Variants in INTS10 observed in about 807,000 individuals in gnomAD.
INTS10 encodes the protein integrator complex subunit 10, also known as chromosome 8 open reading frame 35.
INTS10 carries 44 observed loss-of-function variants against 94.4 expected under a neutral mutation model. That is an observed-to-expected ratio of 0.47 (90% CI 0.37 to 0.60). The LOEUF (loss-of-function observed/expected upper bound fraction) is 0.60. INTS10 is among the 20% of genes least tolerant of loss of function. The pLI is 0.00. For missense variants in INTS10, 797 were observed against 868.7 expected, an observed-to-expected ratio of 0.92 and a Z score of 1.04; for synonymous variants, 341 against 320.7, an observed-to-expected ratio of 1.06 and a Z score of -0.68.
Position 19,817,665 on chromosome 8 carries a change from A to T in INTS10, c.128A>T (p.Gln43Leu), listed in dbSNP as rs1250889734. 1 of 1,605,588 alleles carries T rather than the reference A, an allele frequency of 6.2e-7. No individual in the cohort carries two copies. The highest frequency in any genetic ancestry group is 1.3e-5 in the African/African-American group (1 of 74,724). The change falls in exon 1 of 17, where the codon CAG becomes CTG. Residue 43 changes from glutamine (Q) to leucine (L), a missense_variant and splice_region_variant. By Grantham distance (113) the Gln-to-Leu change is moderately radical (BLOSUM62 -2). Coordinates refer to ENST00000397977, the MANE Select transcript of INTS10 (RefSeq NM_018142.4). Reference sequence around the variant, plus strand: ...CTCTACCCGGCAGACTTTAACATCCAGGTGAGGTCCCGGCTGTGCATGCGG... The same window carrying T: ...CTCTACCCGGCAGACTTTAACATCCTGGTGAGGTCCCGGCTGTGCATGCGG... The part of the protein sequence containing the change: ...RSLYPADFNI[Q>L]YEMYTIERNA...
intron 16 of INTS10, among the ~76,000 whole-genome samples, chr8:19,847,266 C>T (rs1363364366): frequency 6.6e-6 from 1 of 152,096 alleles, no homozygotes; most frequent in Non-Finnish European, 1.5e-5. Flanking sequence ...TACACGAGAC[C>T]TTTCTGCATT....
In INTS10 at chr8:19,832,052, G is replaced by T; in HGVS notation, c.1319G>T (p.Trp440Leu). The T allele has an allele frequency of 6.2e-7, 1 of 1,606,112 alleles. No individual in the cohort carries two copies. Among genetic ancestry groups the T allele is most frequent in the Non-Finnish European group, 8.5e-7 (1 of 1,172,674 alleles). The part of the protein sequence containing the change: ...DKEFTRICLA[W>L]KTDTWLWLRI... The stretch of plus-strand genomic sequence containing the variant: ...GAATTTACAAGGATTTGCTTGGCCT[G>T]GAAGACGGATACTTGGCTTTGGTTA... The change falls in exon 11 of 17, where the codon TGG (tryptophan) becomes TTG (leucine). Residue 440 changes from tryptophan (W) to leucine (L), a missense_variant. Physicochemically the swap from Trp to Leu is moderately conservative, Grantham distance 61. Around this residue, in one of 3 missense-constraint regions of INTS10, gnomAD observed 734 missense variants for 787.8 expected, o/e 0.93. Transcript: ENST00000397977.
At chr8:19,830,753 A>G (rs1462691518) in intron 10 of INTS10, among the ~76,000 whole-genome samples, 194 bp downstream of exon 10, 1 of 152,126 alleles carries the variant, frequency 6.6e-6, no homozygotes, top group East Asian at 1.9e-4. Context: ...GCTCACTGCA[A>G]CGCTCACCTC....
Position 19,832,164 on chromosome 8 carries a change from G to A in INTS10, c.1377+54G>A, listed in dbSNP as rs542623542. ...TGTGTCTGTACAGCATGGCTATGGT[G>A]GCAAACCAGCTTTCCTATGCAGAAT... On this transcript the variant is annotated intron_variant, in intron 11 of 16. Transcript: ENST00000397977. 10 of 963,694 alleles carry A rather than the reference G, an allele frequency of 1.0e-5. No homozygotes were observed. In the South Asian group the frequency reaches 1.3e-4, roughly 12 times the overall value. 59.7% of individuals were successfully genotyped at this position (963,694 alleles called of 1,614,324 possible).
Position 19,846,878 on chromosome 8 carries a change from G to A in INTS10, c.1976+1081G>A, listed in dbSNP as rs1811487339. 6.6e-6 allele frequency among the ~76,000 whole-genome samples: 1 copy of A among 152,164 alleles called. No individual in the cohort carries two copies. On this transcript the variant is annotated intron_variant, in intron 16 of 16. Transcript: ENST00000397977. The surrounding 1 kb of genome is among the most constrained non-coding windows in gnomAD (Gnocchi z 4.2). ...TGCTTCCTGCACATTCAGTGTGTCT[G>A]TAAGTCAGTGTTAGAGTTTCTGCAA...
chr8:19,820,992 A>G (rs1324554649), intron 4 of INTS10: 1 of 152,588 alleles, frequency 6.6e-6, no homozygotes, highest in Non-Finnish European at 1.5e-5. Context: ...TGAAGTAAAT[A>G]GTATCCCACT....
chr8:19,824,925 A>G lies in INTS10; in HGVS notation c.959A>G (p.Lys320Arg), dbSNP rs201680124. The G allele has an allele frequency of 2.4e-4, 394 of 1,613,882 alleles. No individual in the cohort carries two copies. The highest frequency in any genetic ancestry group is 2.8e-4 in the Non-Finnish European group (334 of 1,179,944). Residue 320 changes from lysine to arginine, a missense_variant, in exon 8 of 17, where the codon AAG (lysine) becomes AGG (arginine). Lys to Arg is a conservative substitution (Grantham distance 26, BLOSUM62 2). This residue lies in a region of INTS10 where 734 missense variants were observed against 787.8 expected (regional missense o/e 0.93). Transcript: ENST00000397977. ...TATTCCACCATGCTGGTCTTCTTTA[A>G]GAATGCATTCCAGTATGTCAACAGC... ...VVYSTMLVFF[K>R]NAFQYVNSIQ...
Position 19,846,146 on chromosome 8 carries a change from G to C in INTS10, c.1976+349G>C, listed in dbSNP as rs1292012376. 1.3e-5 allele frequency among the ~76,000 whole-genome samples: 2 copies of C among 151,966 alleles called. No homozygotes were observed. The highest frequency in any genetic ancestry group is 6.6e-5 in the Admixed American group (1 of 15,246). ...TAATTAAGAACAGTTGTGTGGCCAG[G>C]CATGGTGGCTCACGCCTGTAATCTC... is the stretch of plus-strand genomic sequence containing the variant. On this transcript the variant is annotated intron_variant, in intron 16 of 16. Transcript: ENST00000397977. The surrounding 1 kb of genome is among the most constrained non-coding windows in gnomAD (Gnocchi z 4.2).
At chr8:19,827,739 C>T (rs938662549) in intron 9 of INTS10, among the ~76,000 whole-genome samples, 3 of 152,146 alleles carry the variant, frequency 2.0e-5, no homozygotes, top group Admixed American at 6.5e-5. Context: ...CTACCCAATG[C>T]GGAATTTCCA....
intron 9 of INTS10, 124 bp from the exon 10 acceptor site, chr8:19,830,282 G>C (rs1407110219): frequency 5.8e-6 from 4 of 683,914 alleles, no homozygotes; most frequent in Non-Finnish European, 6.5e-6. Flanking sequence ...CAAAAAAATT[G>C]TATGTATGTG....
At position 19,849,586 on chromosome 8, in the gene INTS10, G is replaced by C. The variant is rs932902193; in HGVS notation, c.1977-2063G>C. On this transcript the variant is annotated intron_variant, in intron 16 of 16. Coordinates refer to ENST00000397977, the MANE Select transcript of INTS10 (RefSeq NM_018142.4). This position sits in a 1 kb window ranked among gnomAD's most constrained non-coding sequence, Gnocchi z 4.6. ...TCGGTCATATATATTTAAGGATGCT[G>C]ACGTTTATTTTAAGTACATTTTTAT... Among the ~76,000 whole-genome samples, 1 of 152,134 alleles carries C rather than the reference G, an allele frequency of 6.6e-6. No homozygotes were observed. The highest frequency in any genetic ancestry group is 2.4e-5 in the African/African-American group (1 of 41,428).
rs1053117383 is a variant in INTS10, at chr8:19,820,479, A to G, written c.402A>G (p.Leu134=). ...TAGAACGATCAGAAATGTTGCTTCTACTTTTGAGGCGCTTCCCTGAAACGG... is the reference window on the plus strand; with the variant it reads ...TAGAACGATCAGAAATGTTGCTTCTGCTTTTGAGGCGCTTCCCTGAAACGG... ...NTLERSEMLL[L]LLRRFPETVV... The change falls in exon 4 of 17, where the codon CTA becomes CTG. Residue 134 remains leucine, a synonymous_variant. Transcript: ENST00000397977. The G allele has an allele frequency of 2.5e-6, 4 of 1,612,758 alleles. No homozygotes were observed. In the African/African-American group the frequency reaches 4.0e-5, roughly 16 times the overall value.
chr8:19,851,604 G>C lies in INTS10; in HGVS notation c.1977-45G>C. The stretch of plus-strand genomic sequence containing the variant: ...CAAGTAGCAGCGATCAGCGATGCTG[G>C]TGCTAACCCCTGGTCTTTGTCTGTT... On this transcript the variant is annotated intron_variant, in intron 16 of 16. Transcript: ENST00000397977. The surrounding 1 kb of genome is among the most constrained non-coding windows in gnomAD (Gnocchi z 5.0). 6.3e-7 allele frequency: 1 copy of C among 1,595,292 alleles called. No individual in the cohort carries two copies. Among genetic ancestry groups the C allele is most frequent in the Non-Finnish European group, 8.6e-7 (1 of 1,163,468 alleles).
At chr8:19,827,820 C>G (rs183733281) in intron 9 of INTS10, among the ~76,000 whole-genome samples, 273 of 152,302 alleles carry the variant, frequency 1.8e-3, no homozygotes, top group African/African-American at 6.2e-3. Flanking sequence ...CTGCCCCAAC[C>G]TGATGCAGGT....
intron 13 of INTS10, among the ~76,000 whole-genome samples, chr8:19,840,106 G>A (rs573216521): frequency 1.4e-5 from 2 of 144,768 alleles, no homozygotes; most frequent in South Asian, 4.5e-4. Flanking sequence ...AGACGTTTTA[G>A]TGTATAAAAA....
chr8:19,820,656 G>A, intron 4 of INTS10, 138 bp downstream of exon 4: 1 of 671,366 alleles, frequency 1.5e-6, no homozygotes. Context: ...AAGGTTCTTT[G>A]TTAGTAAAGC....
Position 19,817,635 on chromosome 8 carries a change from G to C in INTS10, c.98G>C (p.Arg33Pro). The C allele has an allele frequency of 2.5e-6, 4 of 1,607,112 alleles. No individual in the cohort carries two copies. The highest frequency in any genetic ancestry group is 3.4e-6 in the Non-Finnish European group (4 of 1,177,558). Residue 33 changes from arginine (R) to proline (P), a missense_variant, in exon 1 of 17, where the codon CGC becomes CCC. Physicochemically the swap from Arg to Pro is moderately radical, Grantham distance 103 (BLOSUM62 -2). Coordinates refer to ENST00000397977, the MANE Select transcript of INTS10 (RefSeq NM_018142.4). Reference sequence around the variant, plus strand: ...GCCAAGGCGTGGCTGATCACGGCCCGCAGCCTCTACCCGGCAGACTTTAAC... The same window carrying C: ...GCCAAGGCGTGGCTGATCACGGCCCCCAGCCTCTACCCGGCAGACTTTAAC... Reference protein sequence around the residue: ...WAAKAWLITARSLYPADFNIQ... With the variant: ...WAAKAWLITAPSLYPADFNIQ...
rs1165374926 is a variant in INTS10, at chr8:19,817,647, C to A, written c.110C>A (p.Pro37Gln). Reference protein sequence around the residue: ...AWLITARSLYPADFNIQYEMY... With the variant: ...AWLITARSLYQADFNIQYEMY... ...CTGATCACGGCCCGCAGCCTCTACC[C>A]GGCAGACTTTAACATCCAGGTGAGG... The change falls in exon 1 of 17, where the codon CCG becomes CAG. Residue 37 changes from proline (P) to glutamine (Q), a missense_variant. Transcript: ENST00000397977. 2 of 1,607,300 alleles carry A rather than the reference C, an allele frequency of 1.2e-6. No homozygotes were observed. The highest frequency in any genetic ancestry group is 2.2e-5 in the East Asian group (1 of 44,596).
chr8:19,830,528 G>A lies in INTS10; in HGVS notation c.1263G>A (p.Glu421=), dbSNP rs1460590999. 4.3e-6 allele frequency: 7 copies of A among 1,613,888 alleles called. No individual in the cohort carries two copies. The highest frequency in any genetic ancestry group is 5.9e-6 in the Non-Finnish European group (7 of 1,179,916). The change falls in exon 10 of 17, where the codon GAG becomes GAA. Residue 421 remains glutamate, a synonymous_variant. Coordinates refer to ENST00000397977, the MANE Select transcript of INTS10 (RefSeq NM_018142.4). Reference sequence around the variant, plus strand: ...TTAAATTGGCCAGGGAGAGCTGGGAGTTGCTCTATTCCCTAGAATTCCTTG... The same window carrying A: ...TTAAATTGGCCAGGGAGAGCTGGGAATTGCTCTATTCCCTAGAATTCCTTG... ...ESFKLARESW[E]LLYSLEFLDK... is the part of the protein sequence containing the mutation.
Sources: gnomAD v4.1 joint callset for allele counts (sites outside exome capture counted in the v4.1 genomes callset) on GRCh38, gnomAD v4.1.1 for gene constraint, gnomAD v4.1.1 regional missense constraint, Gnocchi (gnomAD v3.1) non-coding constraint, MANE v1.5 for transcripts, NCBI Gene and HGNC (gene_info 2026-07-23, HGNC 2026-07-21) for gene names.